MALL: variants seen among roughly 807,000 people sequenced by gnomAD.
The protein encoded by MALL is mal, T cell differentiation protein like.
Under a neutral mutation model 10.3 loss-of-function variants are expected in MALL, and 2 were observed. That is an observed-to-expected ratio of 0.19 (90% CI 0.08 to 0.61). The LOEUF is 0.61. Ranked by LOEUF, MALL falls within the 20% of genes least tolerant of loss-of-function variation. The pLI, the probability that MALL is intolerant of heterozygous loss-of-function variation, is 0.88. For missense variants in MALL, 39 were observed against 115.2 expected (o/e 0.34, Z 3.03); for synonymous variants, 27 against 51.8 (o/e 0.52, Z 2.05).
chr2:110,101,566 C>G (rs1379305757), intron 1 of MALL, among the ~76,000 whole-genome samples: 3 of 152,094 alleles, frequency 2.0e-5, no homozygotes, highest in South Asian at 2.1e-4. Context: ...TACTCATAAG[C>G]ACTCACTGAA....
At chr2:110,105,443 T>TC (rs747044786) in intron 1 of MALL, among the ~76,000 whole-genome samples, 50 of 152,134 alleles carry the variant, frequency 3.3e-4, no homozygotes, top group Non-Finnish European at 6.6e-4. Flanking sequence ...GACCCCATGG[T>TC]CCCACGGGCA....
intron 1 of MALL, among the ~76,000 whole-genome samples, chr2:110,095,686 C>A (rs953233987): frequency 6.7e-6 from 1 of 150,022 alleles, no homozygotes; most frequent in Non-Finnish European, 1.5e-5. Context: ...ATCGCGTCAT[C>A]ATTTAAAAAA....
At chr2:110,099,390 G>A (rs1215990943) in intron 1 of MALL, among the ~76,000 whole-genome samples, 1 of 152,148 alleles carries the variant, frequency 6.6e-6, no homozygotes, top group Non-Finnish European at 1.5e-5. Context: ...GCAAGTAGGT[G>A]GATTTGCAAA....
intron 1 of MALL, among the ~76,000 whole-genome samples, chr2:110,115,380 G>A (rs985795540): frequency 6.6e-6 from 1 of 152,064 alleles, no homozygotes; most frequent in African/African-American, 2.4e-5. Flanking sequence ...GGCATAAGAC[G>A]GGGCACCGAG....
At chr2:110,098,795 G>A (rs570855877) in intron 1 of MALL, among the ~76,000 whole-genome samples, 2 of 152,240 alleles carry the variant, frequency 1.3e-5, no homozygotes, top group South Asian at 4.2e-4. Flanking sequence ...TCGAGCCCAA[G>A]TGTTCAAAAG....
At chr2:110,110,030 A>G (rs1209424560) in intron 1 of MALL, among the ~76,000 whole-genome samples, 1 of 152,138 alleles carries the variant, frequency 6.6e-6, no homozygotes, top group African/African-American at 2.4e-5. Context: ...AATGACAATA[A>G]TGACACAACT....
At chr2:110,106,136 T>A (rs909828458) in intron 1 of MALL, among the ~76,000 whole-genome samples, 1 of 152,196 alleles carries the variant, frequency 6.6e-6, no homozygotes, top group African/African-American at 2.4e-5. Flanking sequence ...GCTGTTTGTT[T>A]TAAACTAGTC....
At chr2:110,099,190 C>A (rs1237624703) in intron 1 of MALL, among the ~76,000 whole-genome samples, 2 of 151,974 alleles carry the variant, frequency 1.3e-5, no homozygotes, top group Non-Finnish European at 2.9e-5. Context: ...GAACATGGAG[C>A]GCTAAGGGGA....
chr2:110,115,589 G>T (rs1678899111), intron 1 of MALL, 99 bp downstream of exon 1: 1 of 604,328 alleles, frequency 1.7e-6, no homozygotes, highest in Non-Finnish European at 2.5e-6. Context: ...TCTCTTCTCG[G>T]TCCGGTCTGG....
At position 110,111,851 on chromosome 2, in the gene MALL, AC is replaced by A. The variant is rs1288724355; in HGVS notation, c.105+3836del. Among the ~76,000 whole-genome samples the A allele has an allele frequency of 3.3e-5, 5 of 152,324 alleles. No homozygotes were observed. The East Asian group carries it at 9.6e-4, about 29-fold the overall frequency. On this transcript the variant is annotated intron_variant, in intron 1 of 3. Transcript: ENST00000272462. ...CAAACTATACTATAAGGCCATAGTC[AC>A]CAAAACAGCATGATACTGGTATAAA... is the stretch of plus-strand genomic sequence containing the variant.
At chr2:110,096,382 G>A (rs1678440621) in intron 1 of MALL, among the ~76,000 whole-genome samples, 1 of 152,152 alleles carries the variant, frequency 6.6e-6, no homozygotes, top group African/African-American at 2.4e-5. Flanking sequence ...GCCTCTGTGT[G>A]CCTATCTATC....
At chr2:110,107,755 C>T (rs1347181465) in intron 1 of MALL, among the ~76,000 whole-genome samples, 1 of 152,154 alleles carries the variant, frequency 6.6e-6, no homozygotes, top group Non-Finnish European at 1.5e-5. Flanking sequence ...ACCATTAAAC[C>T]ACCAAAGCTA....
intron 1 of MALL, among the ~76,000 whole-genome samples, chr2:110,113,735 G>A (rs746203136): frequency 3.3e-5 from 5 of 152,116 alleles, no homozygotes; most frequent in Non-Finnish European, 7.4e-5. Flanking sequence ...AAGGACATTA[G>A]TGAGAAAATT....
chr2:110,116,584 C>T (rs1330081211), upstream of MALL: 2 of 152,576 alleles, frequency 1.3e-5, no homozygotes, highest in East Asian at 1.9e-4. Context: ...CTCCTTCCTT[C>T]CCTGGCCTTC....
chr2:110,100,688 C>G (rs1266267692), intron 1 of MALL, among the ~76,000 whole-genome samples: 1 of 152,152 alleles, frequency 6.6e-6, no homozygotes, highest in Non-Finnish European at 1.5e-5. Context: ...TCCTGCCCAC[C>G]CCTGGACCAT....
chr2:110,107,523 G>A (rs1678721696), intron 1 of MALL, among the ~76,000 whole-genome samples: 1 of 152,100 alleles, frequency 6.6e-6, no homozygotes, highest in African/African-American at 2.4e-5. Flanking sequence ...ACCCCTCACA[G>A]CAGCAACAGC....
At chr2:110,117,541 C>T (rs947790692), upstream of MALL, among the ~76,000 whole-genome samples, 1 of 150,256 alleles carries the variant, frequency 6.7e-6, no homozygotes, top group East Asian at 2.0e-4. Flanking sequence ...TTTTCCTTCT[C>T]TGCTGTGCAT....
chr2:110,097,775 G>A (rs1678478673), intron 1 of MALL, among the ~76,000 whole-genome samples: 1 of 152,016 alleles, frequency 6.6e-6, no homozygotes, highest in African/African-American at 2.4e-5. Context: ...TGCATAGCTG[G>A]GCATTGCTTC....
At chr2:110,112,558 C>A (rs1466743899) in intron 1 of MALL, among the ~76,000 whole-genome samples, 3 of 151,642 alleles carry the variant, frequency 2.0e-5, no homozygotes, top group Non-Finnish European at 2.9e-5. Flanking sequence ...GCAAGAATGG[C>A]CATAATCAAA....
Sources: allele counts gnomAD v4.1 joint callset (sites outside exome capture counted in the v4.1 genomes callset), GRCh38; gene constraint gnomAD v4.1.1; transcripts MANE v1.5; gene names NCBI Gene and HGNC (gene_info 2026-07-23, HGNC 2026-07-21).